Variants in MIPEP observed in about 807,000 individuals in gnomAD.
The protein encoded by MIPEP is mitochondrial intermediate peptidase.
In MIPEP, 79 loss-of-function variants were observed where a neutral mutation model predicts 90.3. The ratio of observed to expected loss-of-function variants is 0.87; its 90% CI spans 0.73 to 1.05. The LOEUF is 1.05. Among genes scored for constraint, MIPEP ranks in the 50% least tolerant of loss-of-function variants. The pLI is 0.00. For missense variants in MIPEP, 940 were observed against 905.6 expected (o/e 1.04, Z -0.49); for synonymous variants, 334 against 315.8 (o/e 1.06, Z -0.61).
At chr13:23,776,352 C>G (rs1952716252) in intron 16 of MIPEP, among the ~76,000 whole-genome samples, 1 of 152,208 alleles carries the variant, frequency 6.6e-6, no homozygotes, top group Non-Finnish European at 1.5e-5. Flanking sequence ...TAACCACTTT[C>G]TATCATACCT....
At chr13:23,785,449 T>G (rs1952827732) in intron 16 of MIPEP, among the ~76,000 whole-genome samples, 1 of 126,982 alleles carries the variant, frequency 7.9e-6, no homozygotes. Context: ...TGAGAACACT[T>G]GGACATCATA....
At chr13:23,808,203 A>G (rs1324664356) in intron 15 of MIPEP, among the ~76,000 whole-genome samples, 1 of 150,588 alleles carries the variant, frequency 6.6e-6, no homozygotes, top group African/African-American at 2.5e-5. Context: ...GGTTCACGCC[A>G]TTCTCCTGCC....
At chr13:23,883,178 T>G (rs929626127) in intron 2 of MIPEP, among the ~76,000 whole-genome samples, 6 of 152,190 alleles carry the variant, frequency 3.9e-5, no homozygotes, top group African/African-American at 1.4e-4. Flanking sequence ...AAAGGTTCTT[T>G]TATACCCAGA....
At chr13:23,882,825 G>A (rs988906680) in intron 2 of MIPEP, among the ~76,000 whole-genome samples, 3 of 151,918 alleles carry the variant, frequency 2.0e-5, no homozygotes, top group Non-Finnish European at 2.9e-5. Context: ...TAGTACCAAA[G>A]TACCTGAAAA....
intron 18 of MIPEP, among the ~76,000 whole-genome samples, chr13:23,740,928 A>G (rs755854078): frequency 1.3e-5 from 2 of 152,188 alleles, no homozygotes; most frequent in Non-Finnish European, 2.9e-5. Flanking sequence ...TCAAAGATGC[A>G]AGGGAAGTTC....
At chr13:23,753,253 T>G (rs1359165716) in intron 18 of MIPEP, among the ~76,000 whole-genome samples, 2 of 150,152 alleles carry the variant, frequency 1.3e-5, no homozygotes, top group African/African-American at 4.9e-5. Flanking sequence ...ATAATAATAA[T>G]AAGACAAAAA....
At chr13:23,829,841 C>T (rs1868652534) in intron 14 of MIPEP, among the ~76,000 whole-genome samples, 1 of 152,112 alleles carries the variant, frequency 6.6e-6, no homozygotes, top group Non-Finnish European at 1.5e-5. Context: ...TCAGAGAACA[C>T]TGCTGCTAAT....
chr13:23,879,232 C>T (rs1871186128), intron 4 of MIPEP, 36 bp downstream of exon 4: 2 of 1,281,786 alleles, frequency 1.6e-6, no homozygotes, highest in African/African-American at 1.5e-5. Flanking sequence ...CCTCTAGAGT[C>T]ACAGTCACAA....
At position 23,834,483 on chromosome 13, in the gene MIPEP, C is replaced by T. The variant is rs80203466; in HGVS notation, c.1653+1757G>A. Among the ~76,000 whole-genome samples the T allele has an allele frequency of 1.4e-3, 207 of 152,310 alleles. 2 individuals are homozygous for T. The East Asian group carries it at 0.025, about 19-fold the overall frequency. ...CTCAGTTCCCCTAGGAATTAAAGACCGCGGGCAATGGGATGTTGCCTGACT... is the reference window on the plus strand; with the variant it reads ...CTCAGTTCCCCTAGGAATTAAAGACTGCGGGCAATGGGATGTTGCCTGACT... On this transcript the variant is annotated intron_variant, in intron 14 of 18. Transcript: ENST00000382172.
At chr13:23,817,440 T>A (rs74038781) in intron 14 of MIPEP, among the ~76,000 whole-genome samples, 2,710 of 152,156 alleles carry the variant, frequency 0.018, 88 homozygotes, top group African/African-American at 0.062. Context: ...CTCCCTCCAC[T>A]CCCTCATTCC....
At chr13:23,772,926 T>G (rs1278501004) in intron 16 of MIPEP, among the ~76,000 whole-genome samples, 1 of 152,174 alleles carries the variant, frequency 6.6e-6, no homozygotes, top group Non-Finnish European at 1.5e-5. Flanking sequence ...TTTTCAAGTG[T>G]ACACTTAAAT....
intron 18 of MIPEP, among the ~76,000 whole-genome samples, chr13:23,750,084 T>C (rs79436242): frequency 6.6e-6 from 1 of 152,162 alleles, no homozygotes; most frequent in African/African-American, 2.4e-5. Context: ...TCTTTGTTTT[T>C]AATTAAATTT....
At position 23,869,303 on chromosome 13, in the gene MIPEP, G is replaced by A; in HGVS notation, c.932C>T (p.Ala311Val). 1 of 1,592,566 alleles carries A rather than the reference G, an allele frequency of 6.3e-7. No homozygotes were observed. The highest frequency in any genetic ancestry group is 8.5e-7 in the Non-Finnish European group (1 of 1,173,390). Residue 311 changes from alanine to valine, a missense_variant, in exon 7 of 19, where the codon GCT (alanine) becomes GTT (valine). Coordinates refer to ENST00000382172, the MANE Select transcript of MIPEP (RefSeq NM_005932.4). ...ATAAACAGGCTTACCTGGATTTTTA[G>A]CTATCGTTCCTTGGAGAGCCCTGTG... is the stretch of plus-strand genomic sequence containing the variant. ...FSHRALQGTI[A>V]KNPETVMQFL...
chr13:23,857,121 G>A (rs891729829), intron 10 of MIPEP, among the ~76,000 whole-genome samples: 4 of 152,122 alleles, frequency 2.6e-5, no homozygotes, highest in Admixed American at 6.5e-5. Flanking sequence ...TTTAACAGGT[G>A]AAACAACCAA....
chr13:23,855,634 G>A (rs1029785677), intron 10 of MIPEP, among the ~76,000 whole-genome samples: 26 of 152,154 alleles, frequency 1.7e-4, no homozygotes, highest in South Asian at 8.3e-4. Context: ...TTACCTGTGC[G>A]GCAGCCTCCT....
intron 9 of MIPEP, among the ~76,000 whole-genome samples, chr13:23,860,776 G>T (rs1022269769): frequency 1.3e-5 from 2 of 152,144 alleles, no homozygotes; most frequent in Non-Finnish European, 2.9e-5. Flanking sequence ...AGACGGCTTC[G>T]AGTGGAGCAA....
chr13:23,877,598 A>G (rs1268073947), intron 4 of MIPEP, among the ~76,000 whole-genome samples: 1 of 152,226 alleles, frequency 6.6e-6, no homozygotes, highest in Non-Finnish European at 1.5e-5. Context: ...TACTGACTGA[A>G]GGAACCATTC....
intron 9 of MIPEP, 71 bp from the exon 10 acceptor site, chr13:23,858,983 G>C: frequency 5.5e-6 from 7 of 1,274,142 alleles, no homozygotes; most frequent in Non-Finnish European, 6.8e-6. Context: ...AACGTGGCCA[G>C]CCTATAGAAT....
At chr13:23,819,190 C>T (rs1472562638) in intron 14 of MIPEP, among the ~76,000 whole-genome samples, 2 of 152,056 alleles carry the variant, frequency 1.3e-5, no homozygotes, top group Non-Finnish European at 2.9e-5. Flanking sequence ...TACACTGGGC[C>T]CCAGTAGACA....
Sources: gnomAD v4.1 joint callset for allele counts (sites outside exome capture counted in the v4.1 genomes callset) on GRCh38, gnomAD v4.1.1 for gene constraint, MANE v1.5 for transcripts, NCBI Gene and HGNC (gene_info 2026-07-23, HGNC 2026-07-21) for gene names.